TAS2R1: variants seen among roughly 807,000 people sequenced by gnomAD.
TAS2R1 encodes the protein taste receptor type 2 member 1.
For missense variants in TAS2R1, 370 were observed against 353.4 expected, an observed-to-expected ratio of 1.05 and a Z score of -0.38; for synonymous variants, 141 against 134.2, an observed-to-expected ratio of 1.05 and a Z score of -0.35.
intron 2 of TAS2R1, among the ~76,000 whole-genome samples, chr5:9,657,514 A>G (rs1045151629): frequency 1.3e-5 from 2 of 152,192 alleles, no homozygotes; most frequent in African/African-American, 2.4e-5. Flanking sequence ...GAGGATTGAA[A>G]GTGATCTGAA....
chr5:9,640,888 G>C (rs534023144), intron 2 of TAS2R1, among the ~76,000 whole-genome samples: 1 of 152,264 alleles, frequency 6.6e-6, no homozygotes, highest in East Asian at 1.9e-4. Flanking sequence ...CACTTAGAAA[G>C]ACAGTCATTG....
At chr5:9,826,850 C>A in the TAS2R1 span, among the ~76,000 whole-genome samples, 1 of 152,106 alleles carries the variant, frequency 6.6e-6, no homozygotes, top group African/African-American at 2.4e-5. Context: ...GGATCCACAC[C>A]CCTTGATTTT....
intron 1 of TAS2R1, among the ~76,000 whole-genome samples, chr5:9,687,661 GA>G (rs141793430): frequency 0.028 from 4,308 of 152,298 alleles, 74 homozygotes; most frequent in Middle Eastern, 0.054. Flanking sequence ...TCAGAGGAAA[GA>G]AGATTAAAGT....
the TAS2R1 span, among the ~76,000 whole-genome samples, chr5:9,873,845 G>A: frequency 2.7e-5 from 4 of 149,992 alleles, no homozygotes; most frequent in South Asian, 8.6e-4. Flanking sequence ...TTCCAGCCTG[G>A]GCAACAGAGT....
Position 9,627,647 on chromosome 5 carries a change from C to T in TAS2R1, c.*1486G>A, listed in dbSNP as rs892817996. On this transcript the variant is annotated 3_prime_UTR_variant, in exon 1 of 1. Transcript: ENST00000382492. The stretch of plus-strand genomic sequence containing the variant: ...AAAGTGACTTTTCATTGTCCTTTCC[C>T]CCATTCAGAAGCAATAATTACACCC... Among the ~76,000 whole-genome samples, 3 of 152,184 alleles carry T rather than the reference C, an allele frequency of 2.0e-5. No homozygotes were observed. The highest frequency in any genetic ancestry group is 6.5e-5 in the Admixed American group (1 of 15,270).
chr5:9,755,613 A>G, the TAS2R1 span, among the ~76,000 whole-genome samples: 1 of 151,446 alleles, frequency 6.6e-6, no homozygotes, highest in African/African-American at 2.4e-5. Context: ...AAAGAAAAAC[A>G]GAAAGTAAAG....
chr5:9,808,300 A>G, the TAS2R1 span, among the ~76,000 whole-genome samples: 1 of 151,924 alleles, frequency 6.6e-6, no homozygotes, highest in Non-Finnish European at 1.5e-5. Flanking sequence ...CCTATTATAT[A>G]GTGGCAAAGA....
At chr5:9,700,222 A>G (rs1466180809) in intron 1 of TAS2R1, among the ~76,000 whole-genome samples, 1 of 152,190 alleles carries the variant, frequency 6.6e-6, no homozygotes, top group African/African-American at 2.4e-5. Flanking sequence ...CTGATTCAGT[A>G]TCCAGCTTAG....
At chr5:9,711,839 T>TTTTA (rs760101725) in intron 1 of TAS2R1, among the ~76,000 whole-genome samples, 126 of 10,420 alleles carry the variant, frequency 0.012, no homozygotes, top group African/African-American at 0.024. Flanking sequence ...ATTTTTTGTA[T>TTTTA]TTTTTTAGTA....
the TAS2R1 span, among the ~76,000 whole-genome samples, chr5:9,736,349 C>A: frequency 1.3e-5 from 2 of 152,328 alleles, no homozygotes; most frequent in East Asian, 3.9e-4. Flanking sequence ...TCTGCACTTA[C>A]CATTTCTGTG....
the TAS2R1 span, among the ~76,000 whole-genome samples, chr5:9,767,600 G>A: frequency 4.3e-4 from 65 of 152,236 alleles, no homozygotes; most frequent in Non-Finnish European, 8.1e-4. Context: ...CGTAACCACA[G>A]TCTGTTTCCT....
chr5:9,789,051 A>G, the TAS2R1 span, among the ~76,000 whole-genome samples: 1 of 152,040 alleles, frequency 6.6e-6, no homozygotes, highest in South Asian at 2.1e-4. Context: ...CTACTTAACA[A>G]CCTCTAAAGC....
the TAS2R1 span, among the ~76,000 whole-genome samples, chr5:9,873,958 AAGAGAG>A: frequency 3.4e-5 from 5 of 146,630 alleles, no homozygotes; most frequent in South Asian, 2.2e-4. Flanking sequence ...ACAGAAAGAA[AAGAGAG>A]AGAGAGAGAG....
intron 1 of TAS2R1, among the ~76,000 whole-genome samples, chr5:9,666,082 C>CT (rs936780788): frequency 1.2e-4 from 18 of 151,152 alleles, no homozygotes; most frequent in African/African-American, 2.9e-4. Flanking sequence ...CTTCATGATT[C>CT]TTTTTTTTTA....
the TAS2R1 span, among the ~76,000 whole-genome samples, chr5:9,777,032 C>CT: frequency 6.6e-6 from 1 of 152,212 alleles, no homozygotes; most frequent in Non-Finnish European, 1.5e-5. Context: ...GAGCCTTCAG[C>CT]AAGTTGTAAT....
At chr5:9,696,789 G>A (rs897328103) in intron 1 of TAS2R1, among the ~76,000 whole-genome samples, 15 of 151,900 alleles carry the variant, frequency 9.9e-5, no homozygotes, top group African/African-American at 1.2e-4. Flanking sequence ...CTAGGCAGGC[G>A]GATCACCTGA....
the TAS2R1 span, among the ~76,000 whole-genome samples, chr5:9,830,583 AG>A: frequency 6.9e-6 from 1 of 145,842 alleles, no homozygotes; most frequent in African/African-American, 2.5e-5. Flanking sequence ...GTAGGTAGGT[AG>A]GTAGATAGAC....
the TAS2R1 span, among the ~76,000 whole-genome samples, chr5:9,805,191 G>C: frequency 1.3e-5 from 2 of 151,898 alleles, no homozygotes; most frequent in African/African-American, 4.8e-5. Flanking sequence ...TAAATTAAAT[G>C]AGGAAGATAT....
the TAS2R1 span, among the ~76,000 whole-genome samples, chr5:9,852,769 T>C: frequency 5.3e-5 from 8 of 152,250 alleles, no homozygotes; most frequent in East Asian, 1.5e-3. Context: ...CATCAGATGG[T>C]GACAAATGAG....
Sources: allele counts gnomAD v4.1 joint callset (sites outside exome capture counted in the v4.1 genomes callset), GRCh38; gene constraint gnomAD v4.1.1; transcripts MANE v1.5; gene names NCBI Gene and HGNC (gene_info 2026-07-23, HGNC 2026-07-21).